MTSS1: variants seen among roughly 807,000 people sequenced by gnomAD.
The protein encoded by MTSS1 is MTSS I-BAR domain containing 1.
A neutral mutation model predicts 79.0 loss-of-function variants in MTSS1; 18 were observed. The ratio of observed to expected loss-of-function variants is 0.23; its 90% CI spans 0.16 to 0.34. The LOEUF (loss-of-function observed/expected upper bound fraction) is 0.34. MTSS1 is among the 10% of genes least tolerant of loss of function. MTSS1 has a pLI of 1.00. For synonymous variants in MTSS1, 341 were observed against 368.6 expected, an observed-to-expected ratio of 0.93 and a Z score of 0.86; for missense variants, 815 against 986.2, an observed-to-expected ratio of 0.83 and a Z score of 2.33.
intron 3 of MTSS1, among the ~76,000 whole-genome samples, chr8:124,638,737 G>A (rs544932375): frequency 7.2e-5 from 11 of 152,282 alleles, no homozygotes; most frequent in Admixed American, 6.5e-4. Flanking sequence ...CATCACAGAC[G>A]CATTTCCCAC....
intron 3 of MTSS1, among the ~76,000 whole-genome samples, chr8:124,658,165 C>T (rs1821313612): frequency 6.6e-6 from 1 of 152,192 alleles, no homozygotes; most frequent in African/African-American, 2.4e-5. Context: ...GATTTGGCTC[C>T]ATCCCCGCCC....
chr8:124,602,943 C>G (rs1303600925), intron 3 of MTSS1, among the ~76,000 whole-genome samples: 2 of 152,228 alleles, frequency 1.3e-5, no homozygotes, highest in East Asian at 3.8e-4. Context: ...AATGACGGAT[C>G]GTCATGGTAA....
intron 1 of MTSS1, among the ~76,000 whole-genome samples, chr8:124,705,685 T>C (rs1830288038): frequency 6.6e-6 from 1 of 152,184 alleles, no homozygotes; most frequent in Admixed American, 6.5e-5. Flanking sequence ...ATTAAAACTG[T>C]CTAAAACTGC....
At chr8:124,704,771 C>T (rs1015470173) in intron 1 of MTSS1, among the ~76,000 whole-genome samples, 6 of 152,206 alleles carry the variant, frequency 3.9e-5, no homozygotes, top group Non-Finnish European at 7.3e-5. Flanking sequence ...CCTTCCCAGC[C>T]TATTATCAGC....
intron 3 of MTSS1, among the ~76,000 whole-genome samples, chr8:124,662,367 C>T (rs960970222): frequency 2.0e-5 from 3 of 152,130 alleles, no homozygotes; most frequent in African/African-American, 7.2e-5. Flanking sequence ...GGGCCCGGCA[C>T]ATAGTAGATG....
intron 3 of MTSS1, among the ~76,000 whole-genome samples, chr8:124,666,686 A>T (rs1448799683): frequency 1.3e-5 from 2 of 152,138 alleles, no homozygotes; most frequent in Non-Finnish European, 2.9e-5. Flanking sequence ...CCCCTGTGAT[A>T]GGGTGTTGGT....
chr8:124,699,622 A>G, intron 2 of MTSS1, 23 bp from the exon 3 acceptor site: 1 of 1,609,416 alleles, frequency 6.2e-7, no homozygotes. Context: ...CAGATAACAA[A>G]AGCATAAGGA....
intron 6 of MTSS1, among the ~76,000 whole-genome samples, chr8:124,570,570 A>G (rs1034693664): frequency 6.6e-6 from 1 of 152,226 alleles, no homozygotes; most frequent in African/African-American, 2.4e-5. Flanking sequence ...TATGCATGGG[A>G]AAAACCACAG....
intron 3 of MTSS1, among the ~76,000 whole-genome samples, chr8:124,596,964 G>A (rs752521095): frequency 4.6e-5 from 7 of 152,084 alleles, no homozygotes; most frequent in Non-Finnish European, 8.8e-5. Flanking sequence ...CATCCTAACT[G>A]GATTACATCA....
At chr8:124,667,122 C>T (rs1238515035) in intron 3 of MTSS1, among the ~76,000 whole-genome samples, 4 of 152,114 alleles carry the variant, frequency 2.6e-5, no homozygotes, top group African/African-American at 9.7e-5. Flanking sequence ...TTCCCCCCAT[C>T]TTAGGATTTG....
chr8:124,615,723 A>C (rs980449147), intron 3 of MTSS1, among the ~76,000 whole-genome samples: 4 of 152,200 alleles, frequency 2.6e-5, no homozygotes, highest in Admixed American at 1.3e-4. Flanking sequence ...ACAACTAAAA[A>C]TTAAAATTTT....
chr8:124,597,816 A>G lies in MTSS1; in HGVS notation c.209-6581T>C, dbSNP rs1193181140. On this transcript the variant is annotated intron_variant, in intron 3 of 13. Transcript: ENST00000518547. The surrounding 1 kb of genome is among the most constrained non-coding windows in gnomAD (Gnocchi z 4.6). ...ATCTCTGCTGTTCCCGAGAGCTGAC[A>G]TTGCTCGAAGGCTAATTAGGAGCCA... Among the ~76,000 whole-genome samples the G allele has an allele frequency of 6.6e-6, 1 of 152,220 alleles. No homozygotes were observed. Among genetic ancestry groups the G allele is most frequent in the African/African-American group, 2.4e-5 (1 of 41,452 alleles).
chr8:124,702,685 C>A (rs1829871005), intron 2 of MTSS1, among the ~76,000 whole-genome samples: 1 of 152,212 alleles, frequency 6.6e-6, no homozygotes, highest in Non-Finnish European at 1.5e-5. Flanking sequence ...CCCTCTCCCA[C>A]CTCTCTGTCG....
intron 1 of MTSS1, among the ~76,000 whole-genome samples, chr8:124,717,919 T>C (rs1395461213): frequency 6.6e-6 from 1 of 152,152 alleles, no homozygotes; most frequent in East Asian, 1.9e-4. Context: ...GCTTCTCAAG[T>C]ATGTTTTGAC....
intron 5 of MTSS1, among the ~76,000 whole-genome samples, chr8:124,589,177 CCCA>C (rs1195006047): frequency 6.6e-6 from 1 of 151,424 alleles, no homozygotes; most frequent in Non-Finnish European, 1.5e-5. Context: ...ATTACAGGCA[CCCA>C]CCACCATGCT....
In MTSS1 at chr8:124,591,609, T is replaced by C. The variant is rs538313222; in HGVS notation, c.209-374A>G. Among the ~76,000 whole-genome samples the C allele has an allele frequency of 2.9e-4, 44 of 152,328 alleles. No individual in the cohort carries two copies. In the South Asian group the frequency reaches 6.2e-3, roughly 21 times the overall value. On this transcript the variant is annotated intron_variant, in intron 3 of 13. Transcript: ENST00000518547. ...TACTTCTCATGAAAGATAATCAATA[T>C]AGTATCTGCTGTTTAGGGAAGAGCT...
At chr8:124,611,740 CCT>C (rs1835859955) in intron 3 of MTSS1, among the ~76,000 whole-genome samples, 1 of 152,082 alleles carries the variant, frequency 6.6e-6, no homozygotes, top group Admixed American at 6.5e-5. Flanking sequence ...AAGGAAATAC[CCT>C]GTTTTTAAAA....
chr8:124,617,306 AG>A (rs1374849705), intron 3 of MTSS1, among the ~76,000 whole-genome samples: 2 of 152,196 alleles, frequency 1.3e-5, no homozygotes, highest in Non-Finnish European at 2.9e-5. Context: ...TAGGAGATCA[AG>A]GACCCACCAG....
intron 3 of MTSS1, among the ~76,000 whole-genome samples, chr8:124,594,031 G>C (rs964968907): frequency 1.3e-5 from 2 of 152,172 alleles, no homozygotes; most frequent in African/African-American, 4.8e-5. Context: ...AGCTACTATA[G>C]GGAGTTCAGG....
Sources: gnomAD v4.1 joint callset for allele counts (sites outside exome capture counted in the v4.1 genomes callset) on GRCh38, gnomAD v4.1.1 for gene constraint, Gnocchi (gnomAD v3.1) non-coding constraint, MANE v1.5 for transcripts, NCBI Gene and HGNC (gene_info 2026-07-23, HGNC 2026-07-21) for gene names.